Variants in PCLO observed in about 807,000 individuals in gnomAD.
The protein encoded by PCLO is piccolo presynaptic cytomatrix protein.
Under a neutral mutation model 427.5 loss-of-function variants are expected in PCLO, and 82 were observed. The observed-to-expected ratio is 0.19, with a 90% confidence interval of 0.16 to 0.23. The LOEUF (loss-of-function observed/expected upper bound fraction) is 0.23, where lower values mean the gene tolerates loss of function less well. Among genes scored for constraint, PCLO ranks in the 10% least tolerant of loss-of-function variants. The probability of loss-of-function intolerance (pLI) is 1.00; values close to 1 mark genes in which losing one functional copy is unlikely to be tolerated. For synonymous variants in PCLO, 2,357 were observed against 2,155.4 expected (o/e 1.09, Z -2.59); for missense variants, 6,239 against 6,115.9 (o/e 1.02, Z -0.67).
At chr7:83,077,143 C>T (rs1193395596) in intron 3 of PCLO, among the ~76,000 whole-genome samples, 2 of 152,060 alleles carry the variant, frequency 1.3e-5, no homozygotes, top group African/African-American at 4.8e-5. Context: ...AAGCCCTTTT[C>T]ATAGAAGCTA....
intron 22 of PCLO, among the ~76,000 whole-genome samples, chr7:82,771,236 T>A (rs1302580329): frequency 6.6e-6 from 1 of 151,944 alleles, no homozygotes; most frequent in East Asian, 1.9e-4. Context: ...CTTTTTTTCT[T>A]ATGTATCTAA....
At chr7:83,006,955 A>G (rs1787960404) in intron 3 of PCLO, among the ~76,000 whole-genome samples, 2 of 151,536 alleles carry the variant, frequency 1.3e-5, no homozygotes, top group East Asian at 1.9e-4. Context: ...GCCACATTAT[A>G]GCATGCTATA....
At position 82,822,624 on chromosome 7, in the gene PCLO, C is replaced by A; in HGVS notation, c.14662G>T (p.Gly4888Cys). 6.2e-7 allele frequency: 1 copy of A among 1,613,612 alleles called. No individual in the cohort carries two copies. The highest frequency in any genetic ancestry group is 8.5e-7 in the Non-Finnish European group (1 of 1,179,702). The change falls in exon 20 of 25, where the codon GGC (glycine) becomes TGC (cysteine). Residue 4888 changes from glycine to cysteine, a missense_variant. Gly to Cys is a radical substitution (Grantham distance 159). This residue lies in a region of PCLO where 877 missense variants were observed against 925.5 expected (regional missense o/e 0.95). Transcript: ENST00000333891. Reference sequence around the variant, plus strand: ...GATGGTCCATGAGAACGGAGATGGCCTTCTGATGATGATTTTGAGCTACCA... The same window carrying A: ...GATGGTCCATGAGAACGGAGATGGCATTCTGATGATGATTTTGAGCTACCA... ...SPGSSKSSSE[G>C]HLRSHGPSRS...
chr7:83,075,581 T>C (rs1562951592), intron 3 of PCLO, among the ~76,000 whole-genome samples: 3 of 152,172 alleles, frequency 2.0e-5, no homozygotes, highest in Non-Finnish European at 2.9e-5. Flanking sequence ...TAAGGACTGA[T>C]AGGATCAAAG....
At position 82,952,008 on chromosome 7, in the gene PCLO, T is replaced by C. The variant is rs1484141509; in HGVS notation, c.8945A>G (p.Tyr2982Cys). The C allele has an allele frequency of 6.2e-7, 1 of 1,613,802 alleles. No homozygotes were observed. Among genetic ancestry groups the C allele is most frequent in the Admixed American group, 1.7e-5 (1 of 59,988 alleles). The change falls in exon 5 of 25, where the codon TAT becomes TGT. Residue 2982 changes from tyrosine (Y) to cysteine (C), a missense_variant. Tyr to Cys is a radical substitution (Grantham distance 194, BLOSUM62 -2). Coordinates refer to ENST00000333891, the MANE Select transcript of PCLO (RefSeq NM_033026.6). Reference sequence around the variant, plus strand: ...CATTCCCCCAATCCCTCTATAACCATATGGCCCTGATCGATCATACTGATA... The same window carrying C: ...CATTCCCCCAATCCCTCTATAACCACATGGCCCTGATCGATCATACTGATA... Reference protein sequence around the residue: ...DHYQYDRSGPYGYRGIGGMKP... With the variant: ...DHYQYDRSGPCGYRGIGGMKP...
At chr7:83,122,776 C>G (rs1219966596) in intron 3 of PCLO, among the ~76,000 whole-genome samples, 1 of 152,160 alleles carries the variant, frequency 6.6e-6, no homozygotes, top group Non-Finnish European at 1.5e-5. Context: ...TTAGAATTGA[C>G]AATGTCAGTA....
At chr7:82,797,783 T>C (rs539062813) in intron 22 of PCLO, among the ~76,000 whole-genome samples, 23 of 152,132 alleles carry the variant, frequency 1.5e-4, no homozygotes, top group Admixed American at 2.6e-4. Flanking sequence ...GAACCCTTCA[T>C]AGGGCTCACA....
chr7:83,144,322 G>A (rs933785464), intron 2 of PCLO, among the ~76,000 whole-genome samples: 6 of 152,124 alleles, frequency 3.9e-5, no homozygotes, highest in African/African-American at 1.4e-4. Flanking sequence ...TCAGGAGGCT[G>A]AGGCAGGAGA....
chr7:83,152,079 T>C (rs188379738), intron 2 of PCLO, among the ~76,000 whole-genome samples: 94 of 152,026 alleles, frequency 6.2e-4, no homozygotes, highest in Admixed American at 2.9e-3. Context: ...ATTCTCCTGC[T>C]TCAGCCTCCC....
intron 3 of PCLO, among the ~76,000 whole-genome samples, chr7:83,094,052 T>C (rs1790463665): frequency 6.6e-6 from 1 of 151,842 alleles, no homozygotes; most frequent in African/African-American, 2.4e-5. Flanking sequence ...TAGCCATGTG[T>C]TGCTTTTTTA....
intron 2 of PCLO, among the ~76,000 whole-genome samples, chr7:83,153,580 G>A (rs1426605112): frequency 6.6e-6 from 1 of 152,070 alleles, no homozygotes; most frequent in African/African-American, 2.4e-5. Context: ...TACTTCCTGG[G>A]CTGTTTGCAG....
chr7:82,899,344 AGTTTC>A, intron 9 of PCLO, among the ~76,000 whole-genome samples: 1 of 151,514 alleles, frequency 6.6e-6, no homozygotes, highest in Non-Finnish European at 1.5e-5. Flanking sequence ...ATTCAGTGCC[AGTTTC>A]TCTGGCACTG....
chr7:83,064,265 T>C (rs1327694178), intron 3 of PCLO, among the ~76,000 whole-genome samples: 2 of 151,926 alleles, frequency 1.3e-5, no homozygotes, highest in African/African-American at 4.8e-5. Context: ...TGATGTACAA[T>C]ATCATGGGAA....
At chr7:82,811,606 T>C (rs1791573444) in intron 20 of PCLO, among the ~76,000 whole-genome samples, 1 of 151,614 alleles carries the variant, frequency 6.6e-6, no homozygotes, top group Non-Finnish European at 1.5e-5. Flanking sequence ...GTTCAGGGGT[T>C]CTAGTTTAAG....
At chr7:82,790,702 A>C (rs1791082657) in intron 22 of PCLO, among the ~76,000 whole-genome samples, 1 of 152,192 alleles carries the variant, frequency 6.6e-6, no homozygotes, top group Non-Finnish European at 1.5e-5. Flanking sequence ...TCTTCTGTAG[A>C]TCCAGCTGCG....
At position 82,947,234 on chromosome 7, in the gene PCLO, T is replaced by C. The variant is rs80093781; in HGVS notation, c.11112+2242A>G. 6.4e-3 allele frequency among the ~76,000 whole-genome samples: 972 copies of C among 152,260 alleles called. 15 individuals carry two copies. Among genetic ancestry groups the C allele is most frequent in the African/African-American group, 0.022 (910 of 41,548 alleles). On this transcript the variant is annotated intron_variant, in intron 6 of 24. Transcript: ENST00000333891. ...CAGGAGAACAGATTGATTCAGAATCTGACAGAGTATAAAACTTATCTTTTA... is the reference window on the plus strand; with the variant it reads ...CAGGAGAACAGATTGATTCAGAATCCGACAGAGTATAAAACTTATCTTTTA...
intron 3 of PCLO, among the ~76,000 whole-genome samples, chr7:83,131,975 G>A (rs1375654061): frequency 6.6e-6 from 1 of 151,868 alleles, no homozygotes; most frequent in Non-Finnish European, 1.5e-5. Context: ...GTGTACAAAG[G>A]TATATATATG....
intron 17 of PCLO, 21 bp from the exon 18 acceptor site, chr7:82,826,681 T>A (rs73383960): frequency 1.4e-6 from 2 of 1,475,638 alleles, no homozygotes; most frequent in African/African-American, 2.8e-5. Flanking sequence ...CAAATAGAAA[T>A]CTAATTAAAC....
At chr7:82,971,697 A>G (rs769862457) in intron 3 of PCLO, among the ~76,000 whole-genome samples, 39 of 147,856 alleles carry the variant, frequency 2.6e-4, no homozygotes, top group Non-Finnish European at 4.2e-4. Flanking sequence ...ATTACTTTTA[A>G]TGGAAAAAGT....
Sources: gnomAD v4.1 joint callset for allele counts (sites outside exome capture counted in the v4.1 genomes callset) on GRCh38, gnomAD v4.1.1 for gene constraint, gnomAD v4.1.1 regional missense constraint, MANE v1.5 for transcripts, NCBI Gene and HGNC (gene_info 2026-07-23, HGNC 2026-07-21) for gene names.